MS4A6E: variants seen among roughly 807,000 people sequenced by gnomAD.
MS4A6E encodes membrane-spanning 4-domains subfamily A member 6E.
Under a neutral mutation model 13.2 loss-of-function variants are expected in MS4A6E, and 8 were observed. The ratio of observed to expected loss-of-function variants is 0.60; its 90% CI spans 0.35 to 1.09. The LOEUF (loss-of-function observed/expected upper bound fraction) is 1.09. Among genes scored for constraint, MS4A6E ranks in the 50% least tolerant of loss-of-function variants. MS4A6E has a pLI of 0.02. For synonymous variants in MS4A6E, 72 were observed against 67.6 expected, an observed-to-expected ratio of 1.06 and a Z score of -0.32; for missense variants, 177 against 171.1, an observed-to-expected ratio of 1.03 and a Z score of -0.19.
At chr11:60,335,353 A>G (rs1255635170) in intron 2 of MS4A6E, among the ~76,000 whole-genome samples, 1 of 152,236 alleles carries the variant, frequency 6.6e-6, no homozygotes, top group Non-Finnish European at 1.5e-5. Flanking sequence ...TATTGTATAT[A>G]CATTTTTCTG....
chr11:60,329,444 G>A (rs11230273), intron 1 of MS4A6E, among the ~76,000 whole-genome samples: 52,974 of 151,960 alleles, frequency 0.35, 9,866 homozygotes, highest in East Asian at 0.41. Flanking sequence ...ATAGTGCTGC[G>A]ATAAACATAC....
intron 2 of MS4A6E, among the ~76,000 whole-genome samples, chr11:60,337,110 G>A (rs988620223): frequency 3.3e-5 from 5 of 152,084 alleles, no homozygotes; most frequent in Admixed American, 6.5e-5. Context: ...CCCATGCTGC[G>A]CTCAATGTGG....
Position 60,329,351 on chromosome 11 carries a change from C to T in MS4A6E, c.-15+1943C>T, listed in dbSNP as rs567508755. 3.3e-4 allele frequency among the ~76,000 whole-genome samples: 50 copies of T among 152,258 alleles called. No homozygotes were observed. In the Middle Eastern group the frequency reaches 0.014, roughly 41 times the overall value. ...TTCTTTTTTATGGCTGCATAGTATT[C>T]CATAGTATATATGTGCCACATTTTC... On this transcript the variant is annotated intron_variant, in intron 1 of 4. Coordinates refer to ENST00000684409, the MANE Select transcript of MS4A6E (RefSeq NM_139249.4).
downstream of MS4A6E, among the ~76,000 whole-genome samples, chr11:60,341,350 C>T (rs2085224787): frequency 1.3e-5 from 2 of 152,112 alleles, no homozygotes; most frequent in Admixed American, 6.5e-5. Flanking sequence ...TATTTTAATA[C>T]TTATTTTGTT....
At chr11:60,328,701 C>G (rs77291268) in intron 1 of MS4A6E, among the ~76,000 whole-genome samples, 1,702 of 151,956 alleles carry the variant, frequency 0.011, 28 homozygotes, top group African/African-American at 0.039. Flanking sequence ...AAAATAACAA[C>G]AAAACAACTA....
At chr11:60,336,988 T>C (rs2085192052) in intron 2 of MS4A6E, among the ~76,000 whole-genome samples, 1 of 152,176 alleles carries the variant, frequency 6.6e-6, no homozygotes, top group Admixed American at 6.5e-5. Flanking sequence ...CAAGTCTATA[T>C]TGTGACCTCA....
At position 60,337,890 on chromosome 11, in the gene MS4A6E, T is replaced by G. The variant is rs142147233; in HGVS notation, c.297T>G (p.Ser99=). Residue 99 remains serine, a synonymous_variant, in exon 3 of 5, where the codon TCT becomes TCG. Transcript: ENST00000684409. ...EKDIPTRLLL[S]YDYHSPYTMD... Reference sequence around the variant, plus strand: ...ATATACCAACCAGACTTCTTCTTTCTTATGATTATCATTCACCTTACACCA... The same window carrying G: ...ATATACCAACCAGACTTCTTCTTTCGTATGATTATCATTCACCTTACACCA... The G allele has an allele frequency of 1.1e-5, 18 of 1,613,814 alleles. No homozygotes were observed. The African/African-American group carries it at 2.0e-4, about 18-fold the overall frequency.
chr11:60,342,695 A>C (rs890926457), downstream of MS4A6E, among the ~76,000 whole-genome samples: 1 of 152,184 alleles, frequency 6.6e-6, no homozygotes, highest in Admixed American at 6.5e-5. Flanking sequence ...AAAAGGGAAG[A>C]GGGAACCTCC....
downstream of MS4A6E, among the ~76,000 whole-genome samples, chr11:60,343,022 C>T (rs1183615875): frequency 6.6e-6 from 1 of 152,136 alleles, no homozygotes; most frequent in East Asian, 1.9e-4. Flanking sequence ...TGAAAAGGGG[C>T]ATCTAGTGGG....
intron 3 of MS4A6E, 125 bp downstream of exon 3, chr11:60,338,072 G>C: frequency 1.1e-6 from 1 of 889,438 alleles, no homozygotes; most frequent in Non-Finnish European, 1.7e-6. Flanking sequence ...GAAGGCCAAG[G>C]TTATGTAAAT....
At chr11:60,332,028 A>G (rs550299230) in intron 1 of MS4A6E, among the ~76,000 whole-genome samples, 310 of 152,340 alleles carry the variant, frequency 2.0e-3, no homozygotes, top group African/African-American at 7.3e-3. Context: ...AGCCACCTAG[A>G]TTATGGTATT....
downstream of MS4A6E, among the ~76,000 whole-genome samples, chr11:60,343,950 A>C (rs1028907201): frequency 6.6e-6 from 1 of 152,084 alleles, no homozygotes; most frequent in African/African-American, 2.4e-5. Flanking sequence ...GGTCAGGAAG[A>C]GAGAGAGAAG....
At chr11:60,348,456 A>T (rs1011912414) in intron 4 of MS4A6E, among the ~76,000 whole-genome samples, 1 of 152,210 alleles carries the variant, frequency 6.6e-6, no homozygotes, top group East Asian at 1.9e-4. Flanking sequence ...GCATTTGCTA[A>T]TCTTTCCTAA....
chr11:60,342,198 AGAG>A (rs1348535211), downstream of MS4A6E, among the ~76,000 whole-genome samples: 31,350 of 111,606 alleles, frequency 0.28, 4,344 homozygotes, highest in Admixed American at 0.35. Context: ...AGAGAGAGAG[AGAG>A]GGGGGGGGAG....
chr11:60,345,500 A>G (rs1431899802), downstream of MS4A6E, among the ~76,000 whole-genome samples: 1 of 152,196 alleles, frequency 6.6e-6, no homozygotes, highest in Non-Finnish European at 1.5e-5. Flanking sequence ...CTATCTGTGA[A>G]GAGGGTCTAG....
chr11:60,339,620 C>T (rs780306435), intron 3 of MS4A6E, among the ~76,000 whole-genome samples: 1 of 152,166 alleles, frequency 6.6e-6, no homozygotes. Context: ...AAGTGAGAAA[C>T]AAGTGTATGA....
At chr11:60,338,787 C>A (rs535905356) in intron 3 of MS4A6E, 1 of 152,174 alleles carries the variant, frequency 6.6e-6, no homozygotes, top group Non-Finnish European at 1.5e-5. Flanking sequence ...CTCACCTGGA[C>A]GATGGACAGA....
intron 1 of MS4A6E, among the ~76,000 whole-genome samples, chr11:60,333,992 C>G (rs1030425333): frequency 1.3e-5 from 2 of 152,174 alleles, no homozygotes; most frequent in Non-Finnish European, 2.9e-5. Context: ...CACCCTGATA[C>G]AGTGAGACTC....
intron 1 of MS4A6E, among the ~76,000 whole-genome samples, chr11:60,329,158 G>A (rs1430242589): frequency 9.1e-5 from 8 of 87,794 alleles, no homozygotes; most frequent in Admixed American, 1.2e-4. Context: ...CCCACCCCCC[G>A]ACAGGCCTTG....
Sources: gnomAD v4.1 joint callset for allele counts (sites outside exome capture counted in the v4.1 genomes callset) on GRCh38, gnomAD v4.1.1 for gene constraint, MANE v1.5 for transcripts, NCBI Gene and HGNC (gene_info 2026-07-23, HGNC 2026-07-21) for gene names.